Variants in NELL1 observed in about 807,000 individuals in gnomAD.
NELL1 encodes protein kinase C-binding protein NELL1.
In NELL1, 76 loss-of-function variants were observed where a neutral mutation model predicts 107.4. That is an observed-to-expected ratio of 0.71 (90% CI 0.59 to 0.86). The LOEUF is 0.86. Ranked by LOEUF, NELL1 falls within the 40% of genes least tolerant of loss-of-function variation. NELL1 has a pLI of 0.00. For synonymous variants in NELL1, 353 were observed against 341.2 expected, an observed-to-expected ratio of 1.03 and a Z score of -0.38; for missense variants, 1,024 against 1,005.5, an observed-to-expected ratio of 1.02 and a Z score of -0.25.
At chr11:21,168,113 C>G (rs886262216) in intron 13 of NELL1, among the ~76,000 whole-genome samples, 1 of 151,714 alleles carries the variant, frequency 6.6e-6, no homozygotes, top group East Asian at 1.9e-4. Flanking sequence ...ATATCTAGAA[C>G]ACAATTGGTG....
intron 12 of NELL1, among the ~76,000 whole-genome samples, chr11:20,990,694 T>C (rs1441111666): frequency 6.6e-6 from 1 of 152,230 alleles, no homozygotes; most frequent in Admixed American, 6.5e-5. Flanking sequence ...CCTTTCTCCC[T>C]GAGCTGTCAT....
chr11:20,669,703 A>G lies in NELL1; in HGVS notation c.-21A>G, dbSNP rs375870254. 2 of 1,610,894 alleles carry G rather than the reference A, an allele frequency of 1.2e-6. No homozygotes were observed. The highest frequency in any genetic ancestry group is 1.7e-6 in the Non-Finnish European group (2 of 1,177,680). On this transcript the variant is annotated 5_prime_UTR_variant, in exon 1 of 20. Transcript: ENST00000357134. This position sits in a 1 kb window ranked among gnomAD's most constrained non-coding sequence, Gnocchi z 4.4. ...CCACCTAGCTTCGGTGCCCCCTGCT[A>G]GGCGGGGACCCTCGAGAGCGATGCC...
intron 13 of NELL1, among the ~76,000 whole-genome samples, chr11:21,180,981 A>G (rs998799111): frequency 1.3e-5 from 2 of 151,730 alleles, no homozygotes; most frequent in Middle Eastern, 3.2e-3. Context: ...AGTAAACACC[A>G]TGTCAAAGAA....
At chr11:21,324,441 T>A (rs1384284695) in intron 14 of NELL1, among the ~76,000 whole-genome samples, 1 of 152,112 alleles carries the variant, frequency 6.6e-6, no homozygotes, top group Non-Finnish European at 1.5e-5. Flanking sequence ...TTGATTTTCC[T>A]CAAGAGATTT....
intron 12 of NELL1, among the ~76,000 whole-genome samples, chr11:21,092,047 A>T (rs1309618167): frequency 6.6e-6 from 1 of 152,182 alleles, no homozygotes; most frequent in Non-Finnish European, 1.5e-5. Flanking sequence ...GATGGAAGGA[A>T]CAGGATGAGA....
intron 15 of NELL1, among the ~76,000 whole-genome samples, chr11:21,435,512 T>TA (rs1368803498): frequency 3.3e-5 from 5 of 151,744 alleles, no homozygotes; most frequent in Non-Finnish European, 7.4e-5. Context: ...TGTTTTTTTT[T>TA]ACCATGAAGA....
intron 15 of NELL1, among the ~76,000 whole-genome samples, chr11:21,492,612 G>T (rs1854854422): frequency 6.6e-6 from 1 of 151,770 alleles, no homozygotes; most frequent in Non-Finnish European, 1.5e-5. Context: ...GGATGAAACT[G>T]GAAATCATCA....
rs1199477771 is a variant in NELL1, at chr11:21,528,526, T to TA, written c.1646-5848_1646-5847insA. On this transcript the variant is annotated intron_variant, in intron 15 of 19. Transcript: ENST00000357134. ...GCACATACCCACCCCCCCCCCCTTT[T>TA]TTTTTTTCCACAATGACTTGAAGCA... Among the ~76,000 whole-genome samples, 233 of 110,562 alleles carry TA rather than the reference T, an allele frequency of 2.1e-3. 3 individuals carry two copies. The highest frequency in any genetic ancestry group is 0.015 in the South Asian group (41 of 2,762). The allele number at this position is 110,562 out of a possible 152,430, so 72.5% of individuals were successfully genotyped here.
At chr11:20,835,607 T>G (rs1319640521) in intron 3 of NELL1, among the ~76,000 whole-genome samples, 1 of 152,188 alleles carries the variant, frequency 6.6e-6, no homozygotes, top group Non-Finnish European at 1.5e-5. Flanking sequence ...CTGCTACCAT[T>G]TGTGTTAAAG....
chr11:20,711,724 T>C (rs1355399913), intron 2 of NELL1, among the ~76,000 whole-genome samples: 1 of 152,174 alleles, frequency 6.6e-6, no homozygotes, highest in East Asian at 1.9e-4. Flanking sequence ...CCCTTTTGGC[T>C]TGAAAAGTTT....
At chr11:21,405,857 C>G (rs949194969) in intron 15 of NELL1, among the ~76,000 whole-genome samples, 2 of 151,984 alleles carry the variant, frequency 1.3e-5, no homozygotes, top group African/African-American at 4.8e-5. Flanking sequence ...TTGCAATATC[C>G]AGGAATGGTG....
intron 14 of NELL1, among the ~76,000 whole-genome samples, chr11:21,306,080 T>C (rs765762121): frequency 7.2e-5 from 11 of 151,984 alleles, no homozygotes; most frequent in Middle Eastern, 3.2e-3. Flanking sequence ...ATTATATTTA[T>C]TAGCCAGTTG....
chr11:21,508,990 G>T (rs1340018282), intron 15 of NELL1, among the ~76,000 whole-genome samples: 1 of 152,056 alleles, frequency 6.6e-6, no homozygotes, highest in Non-Finnish European at 1.5e-5. Flanking sequence ...AGTGAAAACA[G>T]AAGCTACATG....
At chr11:21,204,138 T>G (rs911055013) in intron 13 of NELL1, among the ~76,000 whole-genome samples, 6 of 152,202 alleles carry the variant, frequency 3.9e-5, no homozygotes, top group African/African-American at 1.4e-4. Flanking sequence ...CTGTATTTCC[T>G]GAATTTGAAT....
intron 14 of NELL1, among the ~76,000 whole-genome samples, chr11:21,255,255 T>C (rs1858740437): frequency 6.6e-6 from 1 of 152,264 alleles, no homozygotes; most frequent in South Asian, 2.1e-4. Context: ...ATCTCAGCTT[T>C]CTTAAGATTG....
intron 12 of NELL1, among the ~76,000 whole-genome samples, chr11:21,091,915 T>C (rs1170803033): frequency 2.0e-5 from 3 of 152,212 alleles, no homozygotes; most frequent in African/African-American, 2.4e-5. Flanking sequence ...CAAGGTACCA[T>C]AGGGGGCCTA....
chr11:21,420,358 T>C (rs1852634729), intron 15 of NELL1, among the ~76,000 whole-genome samples: 1 of 152,042 alleles, frequency 6.6e-6, no homozygotes, highest in African/African-American at 2.4e-5. Flanking sequence ...ACAAAAATGA[T>C]ATAAATGATA....
intron 12 of NELL1, among the ~76,000 whole-genome samples, chr11:21,058,558 C>G (rs567362688): frequency 6.6e-6 from 1 of 152,102 alleles, no homozygotes; most frequent in Non-Finnish European, 1.5e-5. Flanking sequence ...CAGAGTGACA[C>G]TTAAGCCCCT....
In NELL1 at chr11:21,524,333, G is replaced by A. The variant is rs76683281; in HGVS notation, c.1646-10041G>A. 4.7e-3 allele frequency among the ~76,000 whole-genome samples: 712 copies of A among 152,236 alleles called. 3 individuals carry two copies. The highest frequency in any genetic ancestry group is 7.7e-3 in the Non-Finnish European group (527 of 68,012). On this transcript the variant is annotated intron_variant, in intron 15 of 19. Coordinates refer to ENST00000357134, the MANE Select transcript of NELL1 (RefSeq NM_006157.5). ...AAGCACTTGTCAGAGAACCTGACAC[G>A]TAGTAAATTATTAATATATGGAAGT...
Sources: allele counts gnomAD v4.1 joint callset (sites outside exome capture counted in the v4.1 genomes callset), GRCh38; gene constraint gnomAD v4.1.1; non-coding constraint Gnocchi (gnomAD v3.1); transcripts MANE v1.5; gene names NCBI Gene and HGNC (gene_info 2026-07-23, HGNC 2026-07-21).